The following HCLS1 variants were observed in gnomAD, a reference collection of about 807,000 sequenced individuals.
HCLS1 encodes hematopoietic cell-specific Lyn substrate 1, also known as hematopoietic lineage cell-specific protein.
In HCLS1, 44 loss-of-function variants were observed where a neutral mutation model predicts 68.6. That is an observed-to-expected ratio of 0.64 (90% CI 0.50 to 0.82). The LOEUF (loss-of-function observed/expected upper bound fraction) is 0.82. HCLS1 is among the 40% of genes least tolerant of loss of function. The pLI, the probability that HCLS1 is intolerant of heterozygous loss-of-function variation, is 0.00. For synonymous variants in HCLS1, 217 were observed against 225.8 expected, an observed-to-expected ratio of 0.96 and a Z score of 0.35; for missense variants, 602 against 612.1, an observed-to-expected ratio of 0.98 and a Z score of 0.17.
At position 121,631,611 on chromosome 3, in the gene HCLS1, A is replaced by G. The variant is rs77776399; in HGVS notation, c.*235T>C. The G allele has an allele frequency of 4.3e-3, 2,096 of 491,254 alleles. 15 individuals carry two copies. The highest frequency in any genetic ancestry group is 0.013 in the East Asian group (389 of 29,392). 30.4% of individuals were successfully genotyped at this position (491,254 alleles called of 1,614,324 possible). A position where few individuals can be genotyped will look rare whatever the true frequency, so the allele number is the denominator to read the frequency against. ...GGTGGCAGAGAGGTGTTCATTGGGA[A>G]GGAGTCAGGAACACAAGAGAAATGT... On this transcript the variant is annotated 3_prime_UTR_variant, in exon 14 of 14. Coordinates refer to ENST00000314583, the MANE Select transcript of HCLS1 (RefSeq NM_005335.6).
intron 12 of HCLS1, 24 bp downstream of exon 12, chr3:121,632,305 TCTC>T (rs781282148): frequency 6.2e-7 from 1 of 1,611,496 alleles, no homozygotes; most frequent in Admixed American, 1.7e-5. Flanking sequence ...ATGAGCAAAT[TCTC>T]CTGCTTCTCC....
At chr3:121,646,138 C>A (rs2049245027) in intron 4 of HCLS1, among the ~76,000 whole-genome samples, 2 of 69,188 alleles carry the variant, frequency 2.9e-5, no homozygotes, top group Admixed American at 1.8e-4. Context: ...ATAACAGATA[C>A]TATATATAAG....
chr3:121,642,842 T>C (rs1044045035), intron 6 of HCLS1, 85 bp downstream of exon 6: 2 of 1,045,458 alleles, frequency 1.9e-6, no homozygotes, highest in African/African-American at 3.1e-5. Context: ...GTTAAAAAGC[T>C]GATGACAACT....
In HCLS1 at chr3:121,632,468, G is replaced by GGGCCCA. The variant is rs1553842771; in HGVS notation, c.1103_1104insTGGGCC (p.Pro368_Glu369insGlyPro). The GGGCCCA allele has an allele frequency of 5.0e-6, 8 of 1,613,146 alleles. No homozygotes were observed. In the East Asian group the frequency reaches 1.8e-4, roughly 36 times the overall value. The stretch of plus-strand genomic sequence containing the variant: ...CATTCTCAGGCTCGGGCTCAGGCTC[G>GGGCCCA]GGCTCAGGCTCAGGCTCTGCTTCGT... On this transcript the variant is annotated inframe_insertion, in exon 12 of 14. Transcript: ENST00000314583.
intron 10 of HCLS1, among the ~76,000 whole-genome samples, chr3:121,633,668 G>A (rs2049121157): frequency 1.3e-5 from 2 of 152,310 alleles, no homozygotes; most frequent in South Asian, 4.1e-4. Flanking sequence ...CTCCCAAGTA[G>A]CTGGGACTAT....
chr3:121,644,939 T>C lies in HCLS1; in HGVS notation c.289-11A>G, dbSNP rs1275260330. The C allele has an allele frequency of 6.3e-7, 1 of 1,591,614 alleles. No individual in the cohort carries two copies. Among genetic ancestry groups the C allele is most frequent in the Non-Finnish European group, 8.6e-7 (1 of 1,159,658 alleles). On this transcript the variant is annotated splice_polypyrimidine_tract_variant and intron_variant, in intron 4 of 13. Coordinates refer to ENST00000314583, the MANE Select transcript of HCLS1 (RefSeq NM_005335.6). ...ATGGCCCACTGCACTCTGAGAAAAATCAAGGATGGAGTGAGTGAAAAGATA... is the reference window on the plus strand; with the variant it reads ...ATGGCCCACTGCACTCTGAGAAAAACCAAGGATGGAGTGAGTGAAAAGATA...
intron 3 of HCLS1, among the ~76,000 whole-genome samples, chr3:121,654,573 T>C (rs1332573378): frequency 3.9e-5 from 6 of 152,162 alleles, no homozygotes; most frequent in Admixed American, 3.3e-4. Flanking sequence ...AAGGGATGCA[T>C]AGGACCATTT....
chr3:121,649,789 G>A (rs979801232), intron 3 of HCLS1, among the ~76,000 whole-genome samples: 3 of 152,154 alleles, frequency 2.0e-5, no homozygotes, highest in African/African-American at 7.2e-5. Flanking sequence ...AAGCAATGCA[G>A]TTTATGTGAA....
intron 1 of HCLS1, among the ~76,000 whole-genome samples, chr3:121,659,073 A>C (rs1355039990): frequency 6.6e-6 from 1 of 152,268 alleles, no homozygotes; most frequent in Non-Finnish European, 1.5e-5. Context: ...TTTCAAGTTG[A>C]CAATTTACCG....
chr3:121,645,132 C>A (rs2049234600), intron 4 of HCLS1, among the ~76,000 whole-genome samples: 1 of 152,146 alleles, frequency 6.6e-6, no homozygotes, highest in Non-Finnish European at 1.5e-5. Context: ...TTCTCTAATA[C>A]CATTAGGAAT....
intron 11 of HCLS1, 147 bp from the exon 12 acceptor site, chr3:121,632,710 C>G (rs1560136198): frequency 1.5e-6 from 1 of 673,518 alleles, no homozygotes; most frequent in Non-Finnish European, 2.5e-6. Flanking sequence ...GGGAACACAG[C>G]CTTTCATCCA....
At chr3:121,640,788 AGGG>A (rs2049189866) in intron 6 of HCLS1, among the ~76,000 whole-genome samples, 1 of 5,900 alleles carries the variant, frequency 1.7e-4, no homozygotes, top group Non-Finnish European at 4.9e-4. Flanking sequence ...AGGGAAGGGG[AGGG>A]GAGGGGAGGG....
chr3:121,644,016 G>A (rs1383716899), intron 5 of HCLS1: 17 of 152,522 alleles, frequency 1.1e-4, no homozygotes, highest in Admixed American at 1.0e-3. Context: ...TAATTTTCTA[G>A]AACTTAGCTG....
intron 6 of HCLS1, among the ~76,000 whole-genome samples, chr3:121,641,501 T>C (rs963740624): frequency 1.3e-5 from 2 of 152,220 alleles, no homozygotes; most frequent in African/African-American, 4.8e-5. Flanking sequence ...TCAATTTAAA[T>C]AAGCATTTAC....
chr3:121,634,113 A>C lies in HCLS1; in HGVS notation c.903+94T>G, dbSNP rs1006505374. The C allele has an allele frequency of 7.0e-6, 11 of 1,581,834 alleles. No homozygotes were observed. In the African/African-American group the frequency reaches 1.5e-4, roughly 21 times the overall value. On this transcript the variant is annotated intron_variant, in intron 10 of 13. Coordinates refer to ENST00000314583, the MANE Select transcript of HCLS1 (RefSeq NM_005335.6). ...CAGACCTTGCCTAACCCAGGGGAGG[A>C]CTTTGCCTTATTTTCTGCCAATGGT...
intron 9 of HCLS1, 35 bp from the exon 10 acceptor site, chr3:121,634,453 T>C (rs1428540712): frequency 6.2e-7 from 1 of 1,604,348 alleles, no homozygotes; most frequent in Admixed American, 1.7e-5. Context: ...AGGGTTGTCT[T>C]GGATTGGAGA....
At position 121,650,762 on chromosome 3, in the gene HCLS1, C is replaced by T. The variant is rs116761773; in HGVS notation, c.159-3314G>A. ...GTAAATATTTCTTAGACACATAAAG[C>T]ATTAGCCCCATAAATTTTTTTTCAA... On this transcript the variant is annotated intron_variant, in intron 3 of 13. Coordinates refer to ENST00000314583, the MANE Select transcript of HCLS1 (RefSeq NM_005335.6). Among the ~76,000 whole-genome samples the T allele has an allele frequency of 7.4e-3, 1,127 of 152,244 alleles. 20 individuals carry two copies. Among genetic ancestry groups the T allele is most frequent in the African/African-American group, 0.026 (1,064 of 41,554 alleles).
At chr3:121,658,459 T>C in intron 1 of HCLS1, 112 bp from the exon 2 acceptor site, 1 of 803,634 alleles carries the variant, frequency 1.2e-6, no homozygotes, top group Non-Finnish European at 2.0e-6. Flanking sequence ...CCATTTTTTT[T>C]TTCTTAGAAG....
chr3:121,658,211 C>T, intron 2 of HCLS1, 53 bp downstream of exon 2: 1 of 1,261,472 alleles, frequency 7.9e-7, no homozygotes, highest in Non-Finnish European at 1.2e-6. Flanking sequence ...GGCCCAGATG[C>T]CCTCCTCACC....
Sources: allele counts gnomAD v4.1 joint callset (sites outside exome capture counted in the v4.1 genomes callset), GRCh38; gene constraint gnomAD v4.1.1; transcripts MANE v1.5; gene names NCBI Gene and HGNC (gene_info 2026-07-23, HGNC 2026-07-21).